ST6GALNAC3: variants seen among roughly 807,000 people sequenced by gnomAD.
ST6GALNAC3 encodes alpha-N-acetylgalactosaminide alpha-2,6-sialyltransferase 3.
ST6GALNAC3 carries 25 observed loss-of-function variants against 32.7 expected under a neutral mutation model. The observed-to-expected ratio is 0.76, with a 90% confidence interval of 0.56 to 1.07. ST6GALNAC3 has a LOEUF of 1.07. Among genes scored for constraint, ST6GALNAC3 ranks in the 50% least tolerant of loss-of-function variants. ST6GALNAC3 has a pLI of 0.00. For missense variants in ST6GALNAC3, 355 were observed against 382.4 expected, an observed-to-expected ratio of 0.93 and a Z score of 0.60; for synonymous variants, 129 against 133.1, an observed-to-expected ratio of 0.97 and a Z score of 0.21.
intron 3 of ST6GALNAC3, among the ~76,000 whole-genome samples, chr1:76,557,105 C>T (rs2043600): frequency 6.6e-6 from 1 of 151,532 alleles, no homozygotes; most frequent in South Asian, 2.1e-4. Flanking sequence ...CAGTTATCAC[C>T]GAACCAGATG....
chr1:76,311,059 G>T (rs2100884895), intron 1 of ST6GALNAC3, among the ~76,000 whole-genome samples: 1 of 152,228 alleles, frequency 6.6e-6, no homozygotes, highest in Non-Finnish European at 1.5e-5. Flanking sequence ...AGTAGCCCAA[G>T]TTCTATTTCT....
At chr1:76,119,390 C>G (rs1243103581) in intron 1 of ST6GALNAC3, among the ~76,000 whole-genome samples, 1 of 152,154 alleles carries the variant, frequency 6.6e-6, no homozygotes, top group Non-Finnish European at 1.5e-5. Context: ...CTATAATGGT[C>G]CCATTCTACT....
At chr1:76,377,989 T>G (rs767481316) in intron 2 of ST6GALNAC3, among the ~76,000 whole-genome samples, 16 of 152,204 alleles carry the variant, frequency 1.1e-4, no homozygotes, top group Non-Finnish European at 2.2e-4. Context: ...GATACTTCCC[T>G]CGTTGGATGA....
chr1:76,191,755 A>G (rs1005200613), intron 1 of ST6GALNAC3, among the ~76,000 whole-genome samples: 3 of 152,154 alleles, frequency 2.0e-5, no homozygotes, highest in Non-Finnish European at 4.4e-5. Context: ...CATAGGAGGG[A>G]AAGTAGACTA....
chr1:76,081,383 C>T (rs941519088), intron 1 of ST6GALNAC3, among the ~76,000 whole-genome samples: 4 of 151,794 alleles, frequency 2.6e-5, no homozygotes, highest in Non-Finnish European at 5.9e-5. Context: ...AGCTGTCCTG[C>T]GCTGCGGGTT....
intron 3 of ST6GALNAC3, among the ~76,000 whole-genome samples, chr1:76,605,465 G>T (rs777387532): frequency 6.6e-6 from 1 of 152,086 alleles, no homozygotes; most frequent in East Asian, 1.9e-4. Flanking sequence ...CCTACAAAAT[G>T]GGAGAAATTT....
At chr1:76,594,286 C>T (rs945742139) in intron 3 of ST6GALNAC3, among the ~76,000 whole-genome samples, 5 of 152,096 alleles carry the variant, frequency 3.3e-5, no homozygotes, top group African/African-American at 1.2e-4. Flanking sequence ...ACAAATATGA[C>T]ATTCTTTTAT....
chr1:76,493,102 T>G (rs1381392436), intron 3 of ST6GALNAC3, among the ~76,000 whole-genome samples: 1 of 152,084 alleles, frequency 6.6e-6, no homozygotes, highest in East Asian at 1.9e-4. Context: ...CCCACCACAT[T>G]CAATTTCAGA....
intron 3 of ST6GALNAC3, among the ~76,000 whole-genome samples, chr1:76,514,942 T>A (rs532704758): frequency 6.8e-4 from 104 of 152,306 alleles, no homozygotes; most frequent in Middle Eastern, 6.8e-3. Context: ...AATTTTTATG[T>A]CTATGTTTAT....
chr1:76,380,294 C>T (rs1029702256), intron 2 of ST6GALNAC3, among the ~76,000 whole-genome samples: 12 of 152,046 alleles, frequency 7.9e-5, no homozygotes, highest in Admixed American at 4.6e-4. Flanking sequence ...AATAACTAAA[C>T]AAAAAATGAT....
intron 1 of ST6GALNAC3, among the ~76,000 whole-genome samples, chr1:76,227,584 C>T (rs1454224427): frequency 6.6e-6 from 1 of 152,054 alleles, no homozygotes; most frequent in African/African-American, 2.4e-5. Flanking sequence ...AAGATAAATG[C>T]AAATGTGTTA....
rs12125529 is a variant in ST6GALNAC3 at position 76,628,829 on chromosome 1, G to T, written c.*23G>T. 1.2e-6 allele frequency: 2 copies of T among 1,607,354 alleles called. No homozygotes were observed. The highest frequency in any genetic ancestry group is 1.7e-6 in the Non-Finnish European group (2 of 1,177,308). On this transcript the variant is annotated 3_prime_UTR_variant, in exon 5 of 5. Coordinates refer to ENST00000328299, the MANE Select transcript of ST6GALNAC3 (RefSeq NM_152996.4). ...TGATAATGGTTTTCCTGATCTTGCC[G>T]CATCACTTAATGTGATCCCCATACT...
intron 1 of ST6GALNAC3, among the ~76,000 whole-genome samples, chr1:76,131,100 A>G (rs541282712): frequency 7.2e-5 from 11 of 152,300 alleles, no homozygotes; most frequent in South Asian, 4.1e-4. Context: ...CTGTGCTTCT[A>G]TTTTATCAGT....
chr1:76,450,607 T>C (rs947339549), intron 3 of ST6GALNAC3, among the ~76,000 whole-genome samples: 3 of 152,198 alleles, frequency 2.0e-5, no homozygotes, highest in African/African-American at 7.2e-5. Flanking sequence ...TTACTTTGGG[T>C]TCTTGGTCAT....
In ST6GALNAC3 at chr1:76,611,456, T is replaced by C. The variant is rs554558678; in HGVS notation, c.624-15996T>C. On this transcript the variant is annotated intron_variant, in intron 3 of 4. Transcript: ENST00000328299. ...TGTCTCTGAGTTATTCTCTGTAATG[T>C]GATGAATGCCAAAAACAAGAAACAT... 2.6e-5 allele frequency among the ~76,000 whole-genome samples: 4 copies of C among 152,278 alleles called. No homozygotes were observed. The East Asian group carries it at 7.7e-4, about 29-fold the overall frequency.
chr1:76,209,675 A>G (rs1655028012), intron 1 of ST6GALNAC3, among the ~76,000 whole-genome samples: 1 of 152,144 alleles, frequency 6.6e-6, no homozygotes, highest in Non-Finnish European at 1.5e-5. Context: ...CACTCCCCCA[A>G]CAGTTGTTTA....
Position 76,629,298 on chromosome 1 carries a change from T to C in ST6GALNAC3, c.*492T>C. Reference sequence around the variant, plus strand: ...TGCTATCAGGGTGCAAGTATCTTACTACTTAGCCTAAGGATGGGAAAATAT... The same window carrying C: ...TGCTATCAGGGTGCAAGTATCTTACCACTTAGCCTAAGGATGGGAAAATAT... On this transcript the variant is annotated 3_prime_UTR_variant, in exon 5 of 5. Transcript: ENST00000328299. The C allele has an allele frequency of 1.0e-6, 1 of 987,822 alleles. No individual in the cohort carries two copies. The highest frequency in any genetic ancestry group is 1.2e-6 in the Non-Finnish European group (1 of 831,750). 61.2% of individuals were successfully genotyped at this position (987,822 alleles called of 1,614,324 possible).
At chr1:76,443,774 A>G (rs1479899403) in intron 3 of ST6GALNAC3, among the ~76,000 whole-genome samples, 2 of 152,250 alleles carry the variant, frequency 1.3e-5, no homozygotes, top group East Asian at 1.9e-4. Context: ...TTAAGATATT[A>G]TGATAGAAAG....
intron 1 of ST6GALNAC3, among the ~76,000 whole-genome samples, chr1:76,101,687 T>C (rs1557613874): frequency 6.6e-6 from 1 of 152,224 alleles, no homozygotes; most frequent in Non-Finnish European, 1.5e-5. Context: ...CGTAATGTAT[T>C]TACACAATAG....
Sources: allele counts gnomAD v4.1 joint callset (sites outside exome capture counted in the v4.1 genomes callset), GRCh38; gene constraint gnomAD v4.1.1; transcripts MANE v1.5; gene names NCBI Gene and HGNC (gene_info 2026-07-23, HGNC 2026-07-21).